PRH1: variants seen among roughly 807,000 people sequenced by gnomAD.
PRH1 encodes the protein proline rich protein HaeIII subfamily 1, also known as salivary acidic proline-rich phosphoprotein 1/2.
In PRH1, 7 loss-of-function variants were observed where a neutral mutation model predicts 7.9. The observed-to-expected ratio is 0.89, with a 90% CI of 0.50 to 1.67. PRH1 has a LOEUF of 1.67. Among genes scored for constraint, PRH1 ranks in the 40% most tolerant of loss-of-function variants. The probability of loss-of-function intolerance (pLI) is 0.00; values close to 1 mark genes in which losing one functional copy is unlikely to be tolerated. For missense variants in PRH1, 109 were observed against 223.6 expected, an observed-to-expected ratio of 0.49 and a Z score of 3.27; for synonymous variants, 45 against 80.8, an observed-to-expected ratio of 0.56 and a Z score of 2.38.
At chr12:10,910,685 G>C (rs1393645814) in intron 2 of PRH1, among the ~76,000 whole-genome samples, 1 of 151,874 alleles carries the variant, frequency 6.6e-6, no homozygotes, top group Non-Finnish European at 1.5e-5. Flanking sequence ...GAAAAAAAGT[G>C]GATTACCAAA....
chr12:10,950,071 G>A (rs1950546033), intron 2 of PRH1, among the ~76,000 whole-genome samples: 1 of 151,752 alleles, frequency 6.6e-6, no homozygotes, highest in Non-Finnish European at 1.5e-5. Context: ...TAAATTCTTT[G>A]TAAACATGTC....
At chr12:11,166,789 T>A (rs532687475) in intron 1 of PRH1, among the ~76,000 whole-genome samples, 1 of 152,312 alleles carries the variant, frequency 6.6e-6, no homozygotes, top group Admixed American at 6.5e-5. Context: ...AGATCAGAAG[T>A]CTGGTATTTG....
upstream of PRH1, among the ~76,000 whole-genome samples, chr12:10,885,076 C>T (rs1393906475): frequency 6.6e-6 from 1 of 152,164 alleles, no homozygotes; most frequent in Non-Finnish European, 1.5e-5. Flanking sequence ...CCACTTTCTC[C>T]AGAATATTCC....
chr12:11,062,925 G>C (rs1943673698), intron 1 of PRH1, among the ~76,000 whole-genome samples: 1 of 151,914 alleles, frequency 6.6e-6, no homozygotes, highest in East Asian at 1.9e-4. Context: ...TTATTCACAA[G>C]CTCATAAATA....
At chr12:10,905,790 G>T (rs1282390986) in intron 2 of PRH1, among the ~76,000 whole-genome samples, 2 of 152,012 alleles carry the variant, frequency 1.3e-5, no homozygotes. Flanking sequence ...AAAGGCCATT[G>T]TCCTGAGTGA....
At chr12:10,896,055 A>G (rs1006758816) in intron 2 of PRH1, among the ~76,000 whole-genome samples, 1 of 152,236 alleles carries the variant, frequency 6.6e-6, no homozygotes, top group Non-Finnish European at 1.5e-5. Context: ...ACTAAATTGT[A>G]AAATATACAA....
intron 1 of PRH1, among the ~76,000 whole-genome samples, chr12:11,023,016 T>G (rs200327608): frequency 6.7e-6 from 1 of 149,980 alleles, no homozygotes; most frequent in Non-Finnish European, 1.5e-5. Flanking sequence ...ATATATCATA[T>G]AGTAAATGTC....
chr12:11,072,218 C>T (rs1213815892), intron 1 of PRH1, among the ~76,000 whole-genome samples: 1 of 152,120 alleles, frequency 6.6e-6, no homozygotes, highest in East Asian at 1.9e-4. Context: ...AACTCCTGGC[C>T]TCAATAGATA....
chr12:10,924,573 A>C, intron 2 of PRH1, among the ~76,000 whole-genome samples: 1 of 152,088 alleles, frequency 6.6e-6, no homozygotes. Context: ...TTCAGAAGGA[A>C]TGGTACCAGC....
At chr12:10,984,708 C>T (rs77280628) in intron 1 of PRH1, among the ~76,000 whole-genome samples, 1,932 of 152,006 alleles carry the variant, frequency 0.013, 64 homozygotes, top group African/African-American at 0.045. Context: ...AATTTCATAA[C>T]TCCAAGAATT....
chr12:11,133,836 A>G, intron 1 of PRH1: 1 of 1,614,146 alleles, frequency 6.2e-7, no homozygotes, highest in East Asian at 2.2e-5. Flanking sequence ...AAAAATAGCA[A>G]AGGCCCCAAC....
At chr12:11,147,021 T>G (rs1173824638) in intron 1 of PRH1, among the ~76,000 whole-genome samples, 1 of 152,226 alleles carries the variant, frequency 6.6e-6, no homozygotes, top group Non-Finnish European at 1.5e-5. Flanking sequence ...TTTTTCCAAG[T>G]TTTCTTGCCT....
At chr12:11,039,166 A>C (rs1802308625) in intron 1 of PRH1, among the ~76,000 whole-genome samples, 2 of 152,250 alleles carry the variant, frequency 1.3e-5, no homozygotes, top group Non-Finnish European at 2.9e-5. Context: ...GTTATTGAAA[A>C]AATGATTGGT....
At chr12:11,079,588 A>G (rs66461820) in intron 1 of PRH1, among the ~76,000 whole-genome samples, 47,921 of 111,426 alleles carry the variant, frequency 0.43, 15,961 homozygotes, top group East Asian at 0.79. Context: ...AGAAAAACCT[A>G]AGTGATAAAG....
At chr12:11,062,090 T>C (rs755805966) in intron 1 of PRH1, 2 of 1,613,720 alleles carry the variant, frequency 1.2e-6, no homozygotes, top group South Asian at 1.1e-5. Flanking sequence ...TTCAACTCAG[T>C]TGCATACCAA....
At chr12:11,102,648 T>G (rs1352590612) in intron 1 of PRH1, among the ~76,000 whole-genome samples, 1 of 152,120 alleles carries the variant, frequency 6.6e-6, no homozygotes, top group Non-Finnish European at 1.5e-5. Flanking sequence ...ACTTCATGGC[T>G]AAAACACCAA....
At chr12:11,036,977 T>A (rs533226261) in intron 1 of PRH1, among the ~76,000 whole-genome samples, 1 of 152,252 alleles carries the variant, frequency 6.6e-6, no homozygotes, top group Non-Finnish European at 1.5e-5. Flanking sequence ...TCTTCTATGA[T>A]TCTCAGCATT....
chr12:11,146,773 T>C (rs1169188270), intron 1 of PRH1, among the ~76,000 whole-genome samples: 2 of 152,212 alleles, frequency 1.3e-5, no homozygotes, highest in African/African-American at 4.8e-5. Context: ...ATTTTCCTCC[T>C]TATGAAAAGT....
chr12:11,016,457 C>G (rs1486098417), intron 1 of PRH1, among the ~76,000 whole-genome samples: 2 of 152,160 alleles, frequency 1.3e-5, no homozygotes, highest in Non-Finnish European at 2.9e-5. Flanking sequence ...GTAACTGGGA[C>G]TACAGGTGAG....
Sources: gnomAD v4.1 joint callset for allele counts (sites outside exome capture counted in the v4.1 genomes callset) on GRCh38, gnomAD v4.1.1 for gene constraint, MANE v1.5 for transcripts, NCBI Gene and HGNC (gene_info 2026-07-23, HGNC 2026-07-21) for gene names.